Variants in DGKD observed in about 807,000 individuals in gnomAD.
DGKD encodes the protein diacylglycerol kinase delta.
DGKD carries 68 observed loss-of-function variants against 154.4 expected under a neutral mutation model. The observed-to-expected ratio is 0.44, with a 90% CI of 0.36 to 0.54. The LOEUF is 0.54. Ranked by LOEUF, DGKD falls within the 20% of genes least tolerant of loss-of-function variation. The pLI is 0.00. For synonymous variants in DGKD, 693 were observed against 638.0 expected, an observed-to-expected ratio of 1.09 and a Z score of -1.30; for missense variants, 1,343 against 1,593.6, an observed-to-expected ratio of 0.84 and a Z score of 2.68.
chr2:233,421,157 C>T (rs1018255815), intron 3 of DGKD, among the ~76,000 whole-genome samples: 1 of 152,152 alleles, frequency 6.6e-6, no homozygotes, highest in South Asian at 2.1e-4. Flanking sequence ...CTTTAATCGA[C>T]ACCGTGCCCT....
At chr2:233,423,596 C>A (rs756693253) in intron 3 of DGKD, among the ~76,000 whole-genome samples, 2 of 152,090 alleles carry the variant, frequency 1.3e-5, no homozygotes, top group Non-Finnish European at 1.5e-5. Context: ...TAGGAGACAT[C>A]CCGGCTCTCA....
Position 233,466,981 on chromosome 2 carries a change from G to A in DGKD, c.3307-105G>A, listed in dbSNP as rs988004622. 79 of 842,654 alleles carry A rather than the reference G, an allele frequency of 9.4e-5. No homozygotes were observed. The African/African-American group carries it at 1.1e-3, about 11-fold the overall frequency. 52.2% of individuals were successfully genotyped at this position (842,654 alleles called of 1,614,324 possible). A position where few individuals can be genotyped will look rare whatever the true frequency, so the allele number is the denominator to read the frequency against. On this transcript the variant is annotated intron_variant, in intron 27 of 29. Transcript: ENST00000264057. ...GCACAAGAGGTCTTTCCCAGCTCCC[G>A]CTCATCTCAGCCCTGCCTGCCCTCC...
chr2:233,375,728 G>A (rs562454264), intron 1 of DGKD, among the ~76,000 whole-genome samples: 1 of 152,034 alleles, frequency 6.6e-6, no homozygotes, highest in Non-Finnish European at 1.5e-5. Flanking sequence ...TATGACACTT[G>A]AAAACAATTT....
At position 233,469,836 on chromosome 2, in the gene DGKD, C is replaced by T. The variant is rs75079861; in HGVS notation, c.*376C>T. ...TCGTGCTTGGATTGTCCCGGGGGCT[C>T]CTCTCCGTGTGTCCTTCTGTGGCCG... is the stretch of plus-strand genomic sequence containing the variant. On this transcript the variant is annotated 3_prime_UTR_variant, in exon 30 of 30. Coordinates refer to ENST00000264057, the MANE Select transcript of DGKD (RefSeq NM_152879.3). The T allele has an allele frequency of 9.2e-3, 1,843 of 199,588 alleles. 23 individuals are homozygous for T. The highest frequency in any genetic ancestry group is 0.024 in the Admixed American group (420 of 17,708). The allele number at this position is 199,588 out of a possible 1,614,324, so 12.4% of individuals were successfully genotyped here.
rs894245841 is a variant in DGKD, at chr2:233,469,461, C to A, written c.*1C>A. Reference sequence around the variant, plus strand: ...CAGCGCCCCCGCCGTCGAGGCCTAGCCTCTGTCCTCTCAGCCTGTGGCCTC... The same window carrying A: ...CAGCGCCCCCGCCGTCGAGGCCTAGACTCTGTCCTCTCAGCCTGTGGCCTC... On this transcript the variant is annotated 3_prime_UTR_variant, in exon 30 of 30. Transcript: ENST00000264057. 1.0e-5 allele frequency: 16 copies of A among 1,593,216 alleles called. No individual in the cohort carries two copies. Among genetic ancestry groups the A allele is most frequent in the Non-Finnish European group, 1.2e-5 (14 of 1,170,990 alleles).
chr2:233,453,705 C>T (rs1471558692), intron 18 of DGKD, among the ~76,000 whole-genome samples: 1 of 152,242 alleles, frequency 6.6e-6, no homozygotes, highest in Non-Finnish European at 1.5e-5. Flanking sequence ...TCCCTTCATC[C>T]ACTTGCCCTC....
intron 3 of DGKD, among the ~76,000 whole-genome samples, chr2:233,415,543 T>G (rs1440529819): frequency 2.6e-5 from 4 of 152,174 alleles, no homozygotes; most frequent in Non-Finnish European, 5.9e-5. Flanking sequence ...TATAGGCAAA[T>G]GGGAGTAATT....
At chr2:233,453,923 T>C (rs2063373520) in intron 18 of DGKD, among the ~76,000 whole-genome samples, 1 of 152,272 alleles carries the variant, frequency 6.6e-6, no homozygotes, top group African/African-American at 2.4e-5. Context: ...TTTTCCTTTT[T>C]AATTTGGCAA....
intron 3 of DGKD, among the ~76,000 whole-genome samples, chr2:233,423,718 G>A (rs1449727242): frequency 6.6e-6 from 1 of 152,102 alleles, no homozygotes; most frequent in Non-Finnish European, 1.5e-5. Context: ...TAAGGTGGGT[G>A]TTACTGCCGT....
chr2:233,429,782 G>A (rs770443538), intron 3 of DGKD, among the ~76,000 whole-genome samples: 12 of 152,210 alleles, frequency 7.9e-5, no homozygotes, highest in African/African-American at 1.2e-4. Context: ...TCTCTCCTTC[G>A]CCCTCACTCT....
At chr2:233,423,435 G>T (rs577729424) in intron 3 of DGKD, among the ~76,000 whole-genome samples, 1 of 152,308 alleles carries the variant, frequency 6.6e-6, no homozygotes, top group South Asian at 2.1e-4. Context: ...AGTTTCTGTT[G>T]TAGCCATCGT....
chr2:233,438,741 A>G lies in DGKD; in HGVS notation c.1085+362A>G, dbSNP rs1025984941. Among the ~76,000 whole-genome samples the G allele has an allele frequency of 5.7e-5, 5 of 88,028 alleles. No homozygotes were observed. Among genetic ancestry groups the G allele is most frequent in the African/African-American group, 3.6e-4 (5 of 13,870 alleles). The allele number at this position is 88,028 out of a possible 152,430, so 57.7% of individuals were successfully genotyped here. On this transcript the variant is annotated intron_variant, in intron 9 of 29. Coordinates refer to ENST00000264057, the MANE Select transcript of DGKD (RefSeq NM_152879.3). This position sits in a 1 kb window ranked among gnomAD's most constrained non-coding sequence, Gnocchi z 4.1. ...TCTTTCATTTTATAATTTTTTATTT[A>G]TCTGTCTATCTATCATCTATCTATC...
chr2:233,366,254 T>TTTA, intron 1 of DGKD, among the ~76,000 whole-genome samples: 1 of 152,146 alleles, frequency 6.6e-6, no homozygotes, highest in African/African-American at 2.4e-5. Context: ...AATTGGATCG[T>TTTA]GGTTGAAAAG....
rs1363614184 is a variant in DGKD, at chr2:233,438,755, C to T, written c.1085+376C>T. On this transcript the variant is annotated intron_variant, in intron 9 of 29. Coordinates refer to ENST00000264057, the MANE Select transcript of DGKD (RefSeq NM_152879.3). The surrounding 1 kb of genome is among the most constrained non-coding windows in gnomAD (Gnocchi z 4.1). ...ATTTTTTATTTATCTGTCTATCTAT[C>T]ATCTATCTATCTATCTATCTATCTA... 0.067 allele frequency among the ~76,000 whole-genome samples: 8,865 copies of T among 132,352 alleles called. 335 individuals are homozygous for T. Among genetic ancestry groups the T allele is most frequent in the African/African-American group, 0.086 (2,827 of 32,732 alleles). The allele number at this position is 132,352 out of a possible 152,430, so 86.8% of individuals were successfully genotyped here.
At position 233,449,972 on chromosome 2, in the gene DGKD, C is replaced by A; in HGVS notation, c.1889-10C>A. On this transcript the variant is annotated splice_polypyrimidine_tract_variant and intron_variant, in intron 15 of 29. Coordinates refer to ENST00000264057, the MANE Select transcript of DGKD (RefSeq NM_152879.3). This position sits in a 1 kb window ranked among gnomAD's most constrained non-coding sequence, Gnocchi z 5.3. ...CCGCGTGCTCAGCCGCACACACTCT[C>A]CTTGCACAGCTGTCGATGAGCAGAA... 1.3e-6 allele frequency: 2 copies of A among 1,588,232 alleles called. No homozygotes were observed. The highest frequency in any genetic ancestry group is 2.3e-5 in the South Asian group (2 of 87,332).
chr2:233,465,831 AGAGCCCT>A (rs2063806370), intron 27 of DGKD, among the ~76,000 whole-genome samples: 1 of 152,156 alleles, frequency 6.6e-6, no homozygotes, highest in African/African-American at 2.4e-5. Flanking sequence ...ATTGCTCACA[AGAGCCCT>A]GTTTTTTTTT....
At chr2:233,409,476 C>T (rs1333098823) in intron 3 of DGKD, among the ~76,000 whole-genome samples, 1 of 149,482 alleles carries the variant, frequency 6.7e-6, no homozygotes, top group Admixed American at 6.7e-5. Context: ...AAATGTGTCA[C>T]GGTGTGATTG....
At chr2:233,447,872 G>C in intron 12 of DGKD, 2 of 1,390,670 alleles carry the variant, frequency 1.4e-6, no homozygotes, top group Non-Finnish European at 1.9e-6. Flanking sequence ...CCTGCAGCTT[G>C]ACGAAGCTTT....
chr2:233,458,265 T>C lies in DGKD; in HGVS notation c.2581-19T>C. On this transcript the variant is annotated intron_variant, in intron 21 of 29. Coordinates refer to ENST00000264057, the MANE Select transcript of DGKD (RefSeq NM_152879.3). The surrounding 1 kb of genome is among the most constrained non-coding windows in gnomAD (Gnocchi z 6.6). ...GGGGATGTGTGGAGTGGTGGTCAGC[T>C]CTAACGTGTCCCTTGCAGACTTTCG... The C allele has an allele frequency of 1.1e-5, 17 of 1,571,946 alleles. No individual in the cohort carries two copies. Among genetic ancestry groups the C allele is most frequent in the Non-Finnish European group, 1.5e-5 (17 of 1,143,828 alleles).
Sources: allele counts gnomAD v4.1 joint callset (sites outside exome capture counted in the v4.1 genomes callset), GRCh38; gene constraint gnomAD v4.1.1; non-coding constraint Gnocchi (gnomAD v3.1); transcripts MANE v1.5; gene names NCBI Gene and HGNC (gene_info 2026-07-23, HGNC 2026-07-21).